TMEM62: variants seen among roughly 807,000 people sequenced by gnomAD.
The protein encoded by TMEM62 is transmembrane protein 62.
Under a neutral mutation model 70.4 loss-of-function variants are expected in TMEM62, and 41 were observed. The ratio of observed to expected loss-of-function variants is 0.58; its 90% CI spans 0.45 to 0.76. The LOEUF (loss-of-function observed/expected upper bound fraction) is 0.76. TMEM62 is among the 30% of genes least tolerant of loss of function. TMEM62 has a pLI of 0.00. For synonymous variants in TMEM62, 268 were observed against 291.0 expected (o/e 0.92, Z 0.80); for missense variants, 688 against 788.5 (o/e 0.87, Z 1.53).
At chr15:43,139,101 G>A (rs1001817234) in intron 4 of TMEM62, among the ~76,000 whole-genome samples, 1 of 151,518 alleles carries the variant, frequency 6.6e-6, no homozygotes, top group Non-Finnish European at 1.5e-5. Flanking sequence ...CCAACAGCAT[G>A]TGCTCACTTC....
chr15:43,171,253 T>C (rs1359515892), intron 11 of TMEM62, among the ~76,000 whole-genome samples: 1 of 151,950 alleles, frequency 6.6e-6, no homozygotes, highest in Non-Finnish European at 1.5e-5. Context: ...TGAGAATTGC[T>C]TGAACTTGGG....
intron 12 of TMEM62, among the ~76,000 whole-genome samples, chr15:43,179,524 G>A (rs2041141621): frequency 6.6e-6 from 1 of 152,180 alleles, no homozygotes; most frequent in Admixed American, 6.5e-5. Context: ...GTAGGTTTGT[G>A]TATGATATGT....
chr15:43,152,978 T>C (rs2037581743), intron 8 of TMEM62, among the ~76,000 whole-genome samples: 1 of 152,170 alleles, frequency 6.6e-6, no homozygotes, highest in Non-Finnish European at 1.5e-5. Context: ...TAAGGCACAG[T>C]CTATTCTAAT....
Position 43,176,177 on chromosome 15 carries a change from C to T in TMEM62, c.1382-2430C>T, listed in dbSNP as rs560191868. Reference sequence around the variant, plus strand: ...GGCTTGCTTAGGTAAACAAAGCAGCCGGGAAGCTCGAACTGGGTGGAGCCC... The same window carrying T: ...GGCTTGCTTAGGTAAACAAAGCAGCTGGGAAGCTCGAACTGGGTGGAGCCC... On this transcript the variant is annotated intron_variant, in intron 11 of 13. Transcript: ENST00000260403. Among the ~76,000 whole-genome samples, 24 of 152,364 alleles carry T rather than the reference C, an allele frequency of 1.6e-4. No homozygotes were observed. The South Asian group carries it at 2.7e-3, about 17-fold the overall frequency.
At chr15:43,134,963 A>G (rs1184448264) in intron 2 of TMEM62, among the ~76,000 whole-genome samples, 1 of 152,198 alleles carries the variant, frequency 6.6e-6, no homozygotes, top group East Asian at 1.9e-4. Flanking sequence ...ACCTTATTGA[A>G]GCATCTCTGC....
Position 43,184,653 on chromosome 15 carries a change from C to A in TMEM62, c.*67C>A. ...TCTGTGTCTGTAGCCCAGGCCTCTACCCCAGTAGCAGGTGGAGGGCCAGGA... is the reference window on the plus strand; with the variant it reads ...TCTGTGTCTGTAGCCCAGGCCTCTAACCCAGTAGCAGGTGGAGGGCCAGGA... On this transcript the variant is annotated 3_prime_UTR_variant, in exon 14 of 14. Coordinates refer to ENST00000260403, the MANE Select transcript of TMEM62 (RefSeq NM_024956.4). 2 of 1,434,150 alleles carry A rather than the reference C, an allele frequency of 1.4e-6. No individual in the cohort carries two copies. The highest frequency in any genetic ancestry group is 1.9e-6 in the Non-Finnish European group (2 of 1,054,922). 88.8% of individuals were successfully genotyped at this position (1,434,150 alleles called of 1,614,324 possible).
intron 4 of TMEM62, among the ~76,000 whole-genome samples, chr15:43,139,130 T>C (rs780540614): frequency 9.9e-5 from 15 of 152,246 alleles, no homozygotes; most frequent in Non-Finnish European, 1.9e-4. Context: ...GTGTCTCATT[T>C]TGGTAATTCT....
chr15:43,146,299 A>C, intron 4 of TMEM62, 194 bp from the exon 5 acceptor site: 2 of 492,358 alleles, frequency 4.1e-6, no homozygotes. Flanking sequence ...ATGAGTTTGC[A>C]TGAGTCTTTG....
chr15:43,178,232 T>C (rs963396282), intron 11 of TMEM62, among the ~76,000 whole-genome samples: 12 of 152,040 alleles, frequency 7.9e-5, no homozygotes, highest in African/African-American at 2.9e-4. Context: ...AAAGATAAAA[T>C]AGTATGGTGC....
intron 11 of TMEM62, among the ~76,000 whole-genome samples, chr15:43,173,538 A>G (rs1347161414): frequency 6.6e-6 from 1 of 152,170 alleles, no homozygotes; most frequent in Non-Finnish European, 1.5e-5. Context: ...TTTAGCCTAG[A>G]TACTTTTTCA....
At chr15:43,144,810 G>T (rs2036459968) in intron 4 of TMEM62, among the ~76,000 whole-genome samples, 1 of 152,130 alleles carries the variant, frequency 6.6e-6, no homozygotes, top group Non-Finnish European at 1.5e-5. Context: ...TAGGAGACAT[G>T]TTCAAAAGTA....
Position 43,181,177 on chromosome 15 carries a change from T to C in TMEM62, c.1487-4T>C. 8.1e-6 allele frequency: 13 copies of C among 1,599,498 alleles called. No homozygotes were observed. The highest frequency in any genetic ancestry group is 1.1e-5 in the Non-Finnish European group (13 of 1,166,824). On this transcript the variant is annotated splice_polypyrimidine_tract_variant and splice_region_variant and intron_variant, in intron 12 of 13. Coordinates refer to ENST00000260403, the MANE Select transcript of TMEM62 (RefSeq NM_024956.4). ...CCTCCTTTTTTGTCCATTGCCTCTT[T>C]TAGGTCCATGGTTTTTTGGTGAAAT...
intron 3 of TMEM62, 54 bp from the exon 4 acceptor site, chr15:43,138,520 G>A: frequency 7.5e-7 from 1 of 1,332,334 alleles, no homozygotes. Context: ...GAAAATGTTT[G>A]TATTCTTTTT....
At chr15:43,165,057 T>A (rs572577917) in intron 10 of TMEM62, among the ~76,000 whole-genome samples, 5 of 152,314 alleles carry the variant, frequency 3.3e-5, no homozygotes, top group Admixed American at 3.3e-4. Flanking sequence ...GGGTTAAAAC[T>A]TCTTGGTGTT....
intron 7 of TMEM62, among the ~76,000 whole-genome samples, chr15:43,150,656 T>A (rs1182071682): frequency 1.3e-5 from 2 of 152,220 alleles, no homozygotes; most frequent in Non-Finnish European, 2.9e-5. Context: ...TCAGAACAAC[T>A]CTTATCCATG....
At chr15:43,162,132 TTTTTA>T (rs1159253440) in intron 10 of TMEM62, among the ~76,000 whole-genome samples, 3 of 152,026 alleles carry the variant, frequency 2.0e-5, no homozygotes, top group Non-Finnish European at 4.4e-5. Flanking sequence ...TATGCCTTAA[TTTTTA>T]TTTTATTTTA....
At chr15:43,179,629 T>C (rs772709952) in intron 12 of TMEM62, among the ~76,000 whole-genome samples, 2 of 152,250 alleles carry the variant, frequency 1.3e-5, no homozygotes, top group Non-Finnish European at 1.5e-5. Flanking sequence ...GCCACACTTA[T>C]AAAAGCAGAA....
chr15:43,149,742 C>T (rs1216801322), intron 7 of TMEM62, among the ~76,000 whole-genome samples: 1 of 152,044 alleles, frequency 6.6e-6, no homozygotes, highest in African/African-American at 2.4e-5. Flanking sequence ...TTTTTAAAAG[C>T]CCTCTGGGTG....
At chr15:43,155,770 T>C (rs551993447) in intron 9 of TMEM62, among the ~76,000 whole-genome samples, 4 of 152,326 alleles carry the variant, frequency 2.6e-5, no homozygotes, top group African/African-American at 7.2e-5. Context: ...ATGTCTTTGA[T>C]TGCTGTCTCT....
Sources: gnomAD v4.1 joint callset for allele counts (sites outside exome capture counted in the v4.1 genomes callset) on GRCh38, gnomAD v4.1.1 for gene constraint, MANE v1.5 for transcripts, NCBI Gene and HGNC (gene_info 2026-07-23, HGNC 2026-07-21) for gene names.